Variants in GALNT13 observed in about 807,000 individuals in gnomAD.
The protein encoded by GALNT13 is UDP-GalNAc:polypeptide N-acetylgalactosaminyltransferase 13.
A neutral mutation model predicts 64.2 loss-of-function variants in GALNT13; 28 were observed. The ratio of observed to expected loss-of-function variants is 0.44; its 90% CI spans 0.32 to 0.60. The LOEUF is 0.60. Ranked by LOEUF, GALNT13 falls within the 20% of genes least tolerant of loss-of-function variation. GALNT13 has a pLI of 0.05. For missense variants in GALNT13, 577 were observed against 669.8 expected (o/e 0.86, Z 1.53); for synonymous variants, 214 against 224.6 (o/e 0.95, Z 0.42).
At chr2:154,293,391 A>G (rs1692750823) in intron 8 of GALNT13, among the ~76,000 whole-genome samples, 1 of 152,174 alleles carries the variant, frequency 6.6e-6, no homozygotes, top group Non-Finnish European at 1.5e-5. Flanking sequence ...CAACATTTTT[A>G]AGACCTGAAT....
intron 8 of GALNT13, among the ~76,000 whole-genome samples, chr2:154,259,451 T>G (rs559395654): frequency 6.6e-6 from 1 of 152,316 alleles, no homozygotes; most frequent in East Asian, 1.9e-4. Flanking sequence ...ATAAAATCAC[T>G]TTGTGTTTTT....
intron 3 of GALNT13, among the ~76,000 whole-genome samples, chr2:153,956,325 A>G (rs2105415713): frequency 6.6e-6 from 1 of 152,322 alleles, no homozygotes; most frequent in East Asian, 1.9e-4. Flanking sequence ...GAAAATAAAA[A>G]TTTCTGGTAA....
At chr2:153,123,364 C>T in the GALNT13 span, among the ~76,000 whole-genome samples, 1 of 152,176 alleles carries the variant, frequency 6.6e-6, no homozygotes, top group Non-Finnish European at 1.5e-5. Context: ...AGAAACCTGA[C>T]ACACACCCAA....
chr2:154,103,426 C>G (rs1379505941), intron 3 of GALNT13, among the ~76,000 whole-genome samples: 1 of 152,038 alleles, frequency 6.6e-6, no homozygotes, highest in East Asian at 1.9e-4. Flanking sequence ...TCCACTTTCT[C>G]TTGGATGTCT....
chr2:153,309,788 A>C, the GALNT13 span, among the ~76,000 whole-genome samples: 2 of 152,124 alleles, frequency 1.3e-5, no homozygotes, highest in African/African-American at 2.4e-5. Flanking sequence ...AAATTAGAGA[A>C]TAATTATAAA....
chr2:153,114,676 C>T, the GALNT13 span, among the ~76,000 whole-genome samples: 1 of 152,204 alleles, frequency 6.6e-6, no homozygotes, highest in East Asian at 1.9e-4. Flanking sequence ...CAAAACCTAC[C>T]TGGCGGTGGA....
chr2:154,062,649 G>T (rs1700248215), intron 3 of GALNT13, among the ~76,000 whole-genome samples: 1 of 152,140 alleles, frequency 6.6e-6, no homozygotes, highest in Non-Finnish European at 1.5e-5. Flanking sequence ...ACTATCATGA[G>T]AACAGCAAGG....
chr2:154,151,567 GTC>G (rs1022976090), intron 4 of GALNT13, among the ~76,000 whole-genome samples: 35 of 152,298 alleles, frequency 2.3e-4, no homozygotes, highest in Middle Eastern at 3.4e-3. Context: ...GGGAGTCTAA[GTC>G]TCTTCGTAAG....
chr2:154,351,394 A>G (rs1696390077), intron 9 of GALNT13, among the ~76,000 whole-genome samples: 1 of 152,080 alleles, frequency 6.6e-6, no homozygotes, highest in Admixed American at 6.6e-5. Context: ...GCAATAGACC[A>G]GAGCTCTGGC....
the GALNT13 span, among the ~76,000 whole-genome samples, chr2:153,688,991 G>GGGGTGT: frequency 8.4e-5 from 11 of 130,222 alleles, no homozygotes; most frequent in South Asian, 1.1e-3. Flanking sequence ...TAGAGGTAGG[G>GGGGTGT]GTGTGTGTGT....
the GALNT13 span, among the ~76,000 whole-genome samples, chr2:153,437,157 G>C: frequency 5.3e-5 from 8 of 152,056 alleles, no homozygotes; most frequent in African/African-American, 1.5e-4. Context: ...TCTTAATCCT[G>C]AGTTCTAGTT....
intron 3 of GALNT13, among the ~76,000 whole-genome samples, chr2:154,089,812 C>CT (rs58287232): frequency 0.17 from 23,341 of 140,886 alleles, 3,437 homozygotes; most frequent in East Asian, 0.73. Context: ...AGATATTACC[C>CT]TTTTTTTTTT....
At chr2:153,673,519 T>C in the GALNT13 span, among the ~76,000 whole-genome samples, 1 of 152,206 alleles carries the variant, frequency 6.6e-6, no homozygotes, top group Non-Finnish European at 1.5e-5. Context: ...CCTTTCATAC[T>C]AAAAACTCTT....
the GALNT13 span, among the ~76,000 whole-genome samples, chr2:153,352,961 A>G: frequency 3.3e-5 from 5 of 152,098 alleles, no homozygotes. Flanking sequence ...TCTATAAACT[A>G]TAGAATCAGT....
chr2:154,394,061 G>C (rs1231948496), intron 9 of GALNT13, among the ~76,000 whole-genome samples: 1 of 102,172 alleles, frequency 9.8e-6, no homozygotes, highest in African/African-American at 4.0e-5. Context: ...CTGGGCGACA[G>C]AGCGAGACTC....
At chr2:153,527,751 A>G in the GALNT13 span, among the ~76,000 whole-genome samples, 1 of 152,154 alleles carries the variant, frequency 6.6e-6, no homozygotes, top group African/African-American at 2.4e-5. Context: ...TAAGATATAA[A>G]TGGGAATAAC....
chr2:153,307,350 A>G, the GALNT13 span, among the ~76,000 whole-genome samples: 7 of 152,294 alleles, frequency 4.6e-5, no homozygotes, highest in Admixed American at 1.3e-4. Flanking sequence ...AAGCATTACA[A>G]TTATGCACAC....
chr2:154,071,202 G>A (rs1297998788), intron 3 of GALNT13, among the ~76,000 whole-genome samples: 42 of 152,054 alleles, frequency 2.8e-4, no homozygotes, highest in Admixed American at 2.7e-3. Flanking sequence ...ATTAATTCAA[G>A]CATCATGGCT....
At chr2:153,832,934 C>T in the GALNT13 span, among the ~76,000 whole-genome samples, 2 of 152,178 alleles carry the variant, frequency 1.3e-5, no homozygotes, top group Non-Finnish European at 2.9e-5. Flanking sequence ...CCCTTTTATC[C>T]TCTATTTTGC....
Sources: allele counts gnomAD v4.1 joint callset (sites outside exome capture counted in the v4.1 genomes callset), GRCh38; gene constraint gnomAD v4.1.1; transcripts MANE v1.5; gene names NCBI Gene and HGNC (gene_info 2026-07-23, HGNC 2026-07-21).